Variants in SLC16A3 observed in about 807,000 individuals in gnomAD.
SLC16A3 encodes solute carrier family 16 member 3.
In SLC16A3, 22 loss-of-function variants were observed where a neutral mutation model predicts 25.0. That is an observed-to-expected ratio of 0.88 (90% CI 0.63 to 1.26). The LOEUF is 1.26. Among genes scored for constraint, SLC16A3 ranks in the 50% most tolerant of loss-of-function variants. The probability of loss-of-function intolerance (pLI) is 0.00; values close to 1 mark genes in which losing one functional copy is unlikely to be tolerated. For missense variants in SLC16A3, 731 were observed against 666.6 expected (o/e 1.10, Z -1.06); for synonymous variants, 390 against 309.2 (o/e 1.26, Z -2.74).
chr17:82,217,959 G>A (rs1280780157), exon 1 of SLC16A3, among the ~76,000 whole-genome samples: 1 of 152,230 alleles, frequency 6.6e-6, no homozygotes, highest in Non-Finnish European at 1.5e-5. Flanking sequence ...GGCCCCATAG[G>A]CCTCTAGCCA....
Position 82,237,362 on chromosome 17 carries a change from A to G in SLC16A3, c.592A>G (p.Arg198Gly), listed in dbSNP as rs865933223. ...CTGCTGCGTGTGTGCCGCACTCATGAGGCCCCTGGTGGTCACGGCCCAGCC... is the reference window on the plus strand; with the variant it reads ...CTGCTGCGTGTGTGCCGCACTCATGGGGCCCCTGGTGGTCACGGCCCAGCC... The part of the protein sequence containing the change: ...LNCCVCAALM[R>G]PLVVTAQPGS... The change falls in exon 4 of 5, where the codon AGG becomes GGG. Residue 198 changes from arginine to glycine, a missense_variant. Transcript: ENST00000582743. The G allele has an allele frequency of 6.5e-7, 1 of 1,539,588 alleles. No individual in the cohort carries two copies. Among genetic ancestry groups the G allele is most frequent in the African/African-American group, 1.4e-5 (1 of 73,092 alleles).
rs1434176302 is a variant in SLC16A3, at chr17:82,237,195, G to A, written c.425G>A (p.Ser142Asn). 1.8e-5 allele frequency: 27 copies of A among 1,529,862 alleles called. No individual in the cohort carries two copies. Among genetic ancestry groups the A allele is most frequent in the Non-Finnish European group, 2.2e-5 (25 of 1,139,058 alleles). The allele number at this position is 1,529,862 out of a possible 1,614,324, so 94.8% of individuals were successfully genotyped here. A position where few individuals can be genotyped will look rare whatever the true frequency, so the allele number is the denominator to read the frequency against. Residue 142 changes from serine to asparagine, a missense_variant, in exon 4 of 5, where the codon AGC (serine) becomes AAC (asparagine). Physicochemically the swap from Ser to Asn is conservative, Grantham distance 46. Coordinates refer to ENST00000582743, the MANE Select transcript of SLC16A3 (RefSeq NM_004207.4). ...CTCATCATGCTGAACCGCTACTTCA[G>A]CAAGCGGCGCCCCATGGCCAACGGG... is the stretch of plus-strand genomic sequence containing the variant. Reference protein sequence around the residue: ...PSLIMLNRYFSKRRPMANGLA... With the variant: ...PSLIMLNRYFNKRRPMANGLA...
upstream of SLC16A3, among the ~76,000 whole-genome samples, chr17:82,227,874 T>C (rs1266427138): frequency 6.6e-6 from 1 of 152,088 alleles, no homozygotes; most frequent in African/African-American, 2.4e-5. Context: ...GGTGGGCTTG[T>C]AACATTACAT....
chr17:82,223,103 C>T (rs1415629905), intron 1 of SLC16A3, among the ~76,000 whole-genome samples: 3 of 152,186 alleles, frequency 2.0e-5, no homozygotes, highest in Non-Finnish European at 4.4e-5. Context: ...TGGACAACAA[C>T]GTGAGCACGT....
rs756726085 is a variant in SLC16A3, at chr17:82,237,738, T to C, written c.968T>C (p.Val323Ala). The C allele has an allele frequency of 5.0e-6, 8 of 1,611,966 alleles. No individual in the cohort carries two copies. Reference protein sequence around the residue: ...STAGDYGGLVVFCIFFGISYG... With the variant: ...STAGDYGGLVAFCIFFGISYG... ...GCGGGCGACTACGGCGGCCTCGTGG[T>C]CTTCTGCATCTTCTTTGGCATCTCC... Residue 323 changes from valine (V) to alanine (A), a missense_variant, in exon 4 of 5, where the codon GTC becomes GCC. Physicochemically the swap from Val to Ala is moderately conservative, Grantham distance 64. Transcript: ENST00000582743.
At chr17:82,237,091 C>G in intron 3 of SLC16A3, 47 bp from the exon 4 acceptor site, 2 of 1,469,512 alleles carry the variant, frequency 1.4e-6, no homozygotes, top group Non-Finnish European at 1.8e-6. Flanking sequence ...GGGTCTCGGG[C>G]TTTGGGGCAG....
At position 82,239,219 on chromosome 17, in the gene SLC16A3, C is replaced by T. The variant is rs1378202504; in HGVS notation, c.*243C>T. The T allele has an allele frequency of 2.2e-5, 7 of 321,236 alleles. No homozygotes were observed. The highest frequency in any genetic ancestry group is 2.8e-5 in the Non-Finnish European group (5 of 175,964). 19.9% of individuals were successfully genotyped at this position (321,236 alleles called of 1,614,324 possible). On this transcript the variant is annotated 3_prime_UTR_variant, in exon 5 of 5. Coordinates refer to ENST00000582743, the MANE Select transcript of SLC16A3 (RefSeq NM_004207.4). ...TACAAGGCATCCTCACCAGGGGCCC[C>T]GCCTGCTGCTCCCAGGTGGCCTGCG...
chr17:82,237,878 G>A lies in SLC16A3; in HGVS notation c.1108G>A (p.Gly370Arg), dbSNP rs371382306. The A allele has an allele frequency of 2.1e-4, 331 of 1,599,670 alleles. No homozygotes were observed. The highest frequency in any genetic ancestry group is 2.7e-4 in the Non-Finnish European group (317 of 1,179,742). ...GATGGAGGCGGTGGCCGTGCTCGTC[G>A]GGCCCCCTTCGGGAGGTGAGCGCTG... The part of the protein sequence containing the change: ...LLMEAVAVLV[G>R]PPSGGKLLDA... The change falls in exon 4 of 5, where the codon GGG (glycine) becomes AGG (arginine). Residue 370 changes from glycine (G) to arginine (R), a missense_variant. Coordinates refer to ENST00000582743, the MANE Select transcript of SLC16A3 (RefSeq NM_004207.4).
intron 1 of SLC16A3, among the ~76,000 whole-genome samples, chr17:82,222,765 C>T (rs534546026): frequency 9.3e-5 from 14 of 149,936 alleles, no homozygotes; most frequent in South Asian, 8.5e-4. Context: ...ATCAAGCTAC[C>T]GCACTCCAGC....
At chr17:82,236,474 G>A (rs2050604955) in intron 2 of SLC16A3, 1 of 629,144 alleles carries the variant, frequency 1.6e-6, no homozygotes, top group Admixed American at 2.9e-5. Context: ...GACCGTCTCA[G>A]AGGACAGGCT....
intron 1 of SLC16A3, among the ~76,000 whole-genome samples, chr17:82,232,918 CG>C (rs150048859): frequency 0.054 from 2,549 of 47,150 alleles, 64 homozygotes; most frequent in African/African-American, 0.15. Context: ...TGGGGGGCGG[CG>C]GGGGGGGGGT....
At position 82,238,741 on chromosome 17, in the gene SLC16A3, T is replaced by G; in HGVS notation, c.1163T>G (p.Phe388Cys). The G allele has an allele frequency of 6.2e-7, 1 of 1,612,466 alleles. No homozygotes were observed. The highest frequency in any genetic ancestry group is 8.5e-7 in the Non-Finnish European group (1 of 1,179,860). ...LDATHVYMYVFILAGAEVLTS... is the reference protein window; with the variant it reads ...LDATHVYMYVCILAGAEVLTS... ...GCGACCCACGTCTACATGTACGTGT[T>G]CATCCTGGCGGGGGCCGAGGTGCTC... Residue 388 changes from phenylalanine (F) to cysteine (C), a missense_variant, in exon 5 of 5, where the codon TTC becomes TGC. Coordinates refer to ENST00000582743, the MANE Select transcript of SLC16A3 (RefSeq NM_004207.4).
At position 82,237,352 on chromosome 17, in the gene SLC16A3, C is replaced by T. The variant is rs752013605; in HGVS notation, c.582C>T (p.Ala194=). The change falls in exon 4 of 5, where the codon GCC becomes GCT. Residue 194 remains alanine, a synonymous_variant. Transcript: ENST00000582743. ...GGLLLNCCVC[A]ALMRPLVVTA... ...TGCTGCTCAACTGCTGCGTGTGTGC[C>T]GCACTCATGAGGCCCCTGGTGGTCA... The T allele has an allele frequency of 5.3e-5, 82 of 1,538,776 alleles. 1 individual carries two copies. The highest frequency in any genetic ancestry group is 5.2e-4 in the South Asian group (43 of 83,012).
chr17:82,237,069 G>A, intron 3 of SLC16A3, 69 bp from the exon 4 acceptor site: 4 of 1,462,390 alleles, frequency 2.7e-6, no homozygotes, highest in East Asian at 4.9e-5. Context: ...GGGAACCTGG[G>A]GGCAGAGATG....
chr17:82,230,023 T>G (rs1328368175), intron 1 of SLC16A3: 1 of 152,636 alleles, frequency 6.6e-6, no homozygotes, highest in Non-Finnish European at 1.5e-5. Flanking sequence ...GAAATGGCAG[T>G]TGGCCCACCC....
chr17:82,234,806 C>T (rs1323997578), intron 1 of SLC16A3: 8 of 152,210 alleles, frequency 5.3e-5, no homozygotes, highest in South Asian at 2.1e-4. Flanking sequence ...CAGGGGTCTG[C>T]GGACACGCTT....
intron 1 of SLC16A3, chr17:82,231,656 G>A (rs955155571): frequency 6.6e-6 from 1 of 152,286 alleles, no homozygotes; most frequent in African/African-American, 2.4e-5. Flanking sequence ...GCTCAGGATT[G>A]AAGCCTGCGG....
chr17:82,222,685 T>G (rs1172981524), intron 1 of SLC16A3, among the ~76,000 whole-genome samples: 1 of 150,694 alleles, frequency 6.6e-6, no homozygotes, highest in African/African-American at 2.5e-5. Context: ...ACGCCTGTAA[T>G]CCAGCTACTC....
chr17:82,229,016 A>G (rs1056772329), upstream of SLC16A3: 56 of 148,894 alleles, frequency 3.8e-4, no homozygotes, highest in African/African-American at 1.3e-3. Context: ...CGAGCACTTA[A>G]AGTCGCCCCC....
Sources: gnomAD v4.1 joint callset for allele counts (sites outside exome capture counted in the v4.1 genomes callset) on GRCh38, gnomAD v4.1.1 for gene constraint, MANE v1.5 for transcripts, NCBI Gene and HGNC (gene_info 2026-07-23, HGNC 2026-07-21) for gene names.